SDK1: variants seen among roughly 807,000 people sequenced by gnomAD.
SDK1 encodes protein sidekick-1.
In SDK1, 157 loss-of-function variants were observed where a neutral mutation model predicts 245.5. The observed-to-expected ratio is 0.64, with a 90% CI of 0.56 to 0.73. The LOEUF is 0.73. SDK1 is among the 30% of genes least tolerant of loss of function. The probability of loss-of-function intolerance (pLI) is 0.00; values close to 1 mark genes in which losing one functional copy is unlikely to be tolerated. For missense variants in SDK1, 3,583 were observed against 3,002.3 expected (o/e 1.19, Z -4.52); for synonymous variants, 1,647 against 1,278.5 (o/e 1.29, Z -6.15).
intron 1 of SDK1, among the ~76,000 whole-genome samples, chr7:3,398,053 T>G (rs945255203): frequency 1.3e-5 from 2 of 152,016 alleles, no homozygotes; most frequent in Non-Finnish European, 2.9e-5. Context: ...CAGTGTGAGG[T>G]TTTGTTTATC....
intron 35 of SDK1, among the ~76,000 whole-genome samples, chr7:4,203,072 C>T (rs17304836): frequency 0.13 from 19,665 of 152,264 alleles, 1,523 homozygotes; most frequent in Non-Finnish European, 0.17. Flanking sequence ...GAATGCCGTC[C>T]TTGCTGCCGT....
At chr7:3,819,341 A>G (rs1489681394) in intron 4 of SDK1, among the ~76,000 whole-genome samples, 1 of 151,966 alleles carries the variant, frequency 6.6e-6, no homozygotes, top group South Asian at 2.1e-4. Flanking sequence ...TAATATTTTT[A>G]TCTTTATGTA....
intron 4 of SDK1, among the ~76,000 whole-genome samples, chr7:3,693,253 C>T (rs541272499): frequency 6.6e-6 from 1 of 151,906 alleles, no homozygotes; most frequent in Admixed American, 6.6e-5. Flanking sequence ...TTTTGTAAAC[C>T]TGTTTTTCTT....
Position 3,962,429 on chromosome 7 carries a change from C to T in SDK1, c.1235-228C>T, listed in dbSNP as rs182408188. 2.1e-3 allele frequency among the ~76,000 whole-genome samples: 326 copies of T among 152,244 alleles called. 2 individuals are homozygous for T. The highest frequency in any genetic ancestry group is 7.5e-3 in the African/African-American group (311 of 41,540). Reference sequence around the variant, plus strand: ...GTTCGGAGTGGAGCCTGGAAGGCACCGCAGCCAGGGCGGCCACAGTTCATG... The same window carrying T: ...GTTCGGAGTGGAGCCTGGAAGGCACTGCAGCCAGGGCGGCCACAGTTCATG... On this transcript the variant is annotated intron_variant, in intron 8 of 44. Coordinates refer to ENST00000404826, the MANE Select transcript of SDK1 (RefSeq NM_152744.4).
chr7:3,531,069 ATCAT>A (rs1783328829), intron 1 of SDK1, among the ~76,000 whole-genome samples: 4 of 152,322 alleles, frequency 2.6e-5, no homozygotes, highest in Admixed American at 2.6e-4. Flanking sequence ...TGAAGAAATC[ATCAT>A]TCATTTAAGA....
chr7:3,950,725 A>G (rs74945843), intron 5 of SDK1, among the ~76,000 whole-genome samples, 198 bp from the exon 6 acceptor site: 3,382 of 152,250 alleles, frequency 0.022, 135 homozygotes, highest in African/African-American at 0.078. Context: ...CTGAATGTGT[A>G]TGGCTTTTGC....
chr7:3,575,370 A>T (rs1045377077), intron 1 of SDK1, among the ~76,000 whole-genome samples: 1 of 151,896 alleles, frequency 6.6e-6, no homozygotes, highest in Non-Finnish European at 1.5e-5. Context: ...CCTTATTATA[A>T]TGCCTCCCAA....
At chr7:4,040,183 G>A (rs78568092) in intron 17 of SDK1, among the ~76,000 whole-genome samples, 2 of 152,108 alleles carry the variant, frequency 1.3e-5, no homozygotes, top group East Asian at 3.9e-4. Flanking sequence ...GTTCTGATTG[G>A]ATCTTGCAGT....
chr7:4,255,157 A>T (rs1290885189), intron 44 of SDK1, among the ~76,000 whole-genome samples: 1 of 152,136 alleles, frequency 6.6e-6, no homozygotes, highest in Non-Finnish European at 1.5e-5. Context: ...CTGTCTTTCA[A>T]ACTGCTAGCT....
chr7:3,955,653 G>A lies in SDK1; in HGVS notation c.1151-3278G>A, dbSNP rs115876508. On this transcript the variant is annotated intron_variant, in intron 7 of 44. Transcript: ENST00000404826. Reference sequence around the variant, plus strand: ...GACCTGGAAGGAACAGGGAGGCAGCGCAGGAAACATCTTTGGATCTTGCAG... The same window carrying A: ...GACCTGGAAGGAACAGGGAGGCAGCACAGGAAACATCTTTGGATCTTGCAG... Among the ~76,000 whole-genome samples, 678 of 152,298 alleles carry A rather than the reference G, an allele frequency of 4.5e-3. 5 individuals are homozygous for A. The highest frequency in any genetic ancestry group is 0.016 in the African/African-American group (646 of 41,566).
intron 4 of SDK1, among the ~76,000 whole-genome samples, chr7:3,764,998 G>A (rs80159373): frequency 6.6e-6 from 1 of 152,122 alleles, no homozygotes; most frequent in Non-Finnish European, 1.5e-5. Context: ...TGAATCTCAA[G>A]TATCTCAGTA....
chr7:4,197,431 T>C (rs1562420237), intron 35 of SDK1, among the ~76,000 whole-genome samples: 1 of 152,044 alleles, frequency 6.6e-6, no homozygotes, highest in Non-Finnish European at 1.5e-5. Flanking sequence ...GAGGCTGCAG[T>C]GAGCTGTGAT....
At chr7:3,782,762 A>C (rs1237073047) in intron 4 of SDK1, among the ~76,000 whole-genome samples, 1 of 152,156 alleles carries the variant, frequency 6.6e-6, no homozygotes, top group African/African-American at 2.4e-5. Context: ...AAATATTAAA[A>C]TTCAAAATTT....
intron 1 of SDK1, among the ~76,000 whole-genome samples, chr7:3,438,510 C>T (rs1780095436): frequency 6.6e-6 from 1 of 152,182 alleles, no homozygotes; most frequent in South Asian, 2.1e-4. Flanking sequence ...GCTGCAGAGA[C>T]ACTGCCAGTC....
At chr7:3,901,105 G>A (rs1202479058) in intron 5 of SDK1, among the ~76,000 whole-genome samples, 2 of 152,164 alleles carry the variant, frequency 1.3e-5, no homozygotes, top group African/African-American at 4.8e-5. Flanking sequence ...CTCCAGACCA[G>A]TTGTTTGGCA....
intron 5 of SDK1, among the ~76,000 whole-genome samples, chr7:3,821,849 TAC>T (rs1274582525): frequency 6.6e-6 from 1 of 152,212 alleles, no homozygotes; most frequent in East Asian, 1.9e-4. Flanking sequence ...TTGCTTTTTA[TAC>T]ACAGTCAATG....
chr7:3,478,263 G>A (rs1020967397), intron 1 of SDK1, among the ~76,000 whole-genome samples: 16 of 152,020 alleles, frequency 1.1e-4, no homozygotes, highest in African/African-American at 3.6e-4. Context: ...ACTTCTTGGA[G>A]TTTTGATTAG....
intron 1 of SDK1, among the ~76,000 whole-genome samples, chr7:3,615,687 C>G (rs74751097): frequency 0.024 from 3,640 of 151,626 alleles, 171 homozygotes; most frequent in African/African-American, 0.082. Flanking sequence ...TCTCCCTCTC[C>G]CTCACATCCA....
intron 5 of SDK1, among the ~76,000 whole-genome samples, chr7:3,853,541 T>G (rs771686100): frequency 2.0e-5 from 3 of 152,344 alleles, no homozygotes; most frequent in African/African-American, 7.2e-5. Context: ...TTCAAAATTC[T>G]TGGGACCAGA....
Sources: gnomAD v4.1 joint callset for allele counts (sites outside exome capture counted in the v4.1 genomes callset) on GRCh38, gnomAD v4.1.1 for gene constraint, MANE v1.5 for transcripts, NCBI Gene and HGNC (gene_info 2026-07-23, HGNC 2026-07-21) for gene names.